Variants in CACNA1E observed in about 807,000 individuals in gnomAD.
The protein encoded by CACNA1E is calcium voltage-gated channel subunit alpha1 E, also known as voltage-dependent R-type calcium channel subunit alpha-1E.
A neutral mutation model predicts 259.2 loss-of-function variants in CACNA1E; 40 were observed. The ratio of observed to expected loss-of-function variants is 0.15; its 90% CI spans 0.12 to 0.20. The LOEUF (loss-of-function observed/expected upper bound fraction) is 0.20, where lower values mean the gene tolerates loss of function less well. CACNA1E is among the 10% of genes least tolerant of loss of function. The probability of loss-of-function intolerance (pLI) is 1.00; values close to 1 mark genes in which losing one functional copy is unlikely to be tolerated. For missense variants in CACNA1E, 1,874 were observed against 3,040.1 expected (o/e 0.62, Z 9.02); for synonymous variants, 1,104 against 1,138.5 (o/e 0.97, Z 0.61).
Position 181,590,416 on chromosome 1 carries a change from A to ATATATATATATATATAT in CACNA1E, c.951+9640_951+9641insTATATATATATATATAT, listed in dbSNP as rs1419171903. 9.8e-4 allele frequency among the ~76,000 whole-genome samples: 113 copies of ATATATATATATATATAT among 115,874 alleles called. 1 individual carries two copies. The highest frequency in any genetic ancestry group is 4.1e-3 in the African/African-American group (110 of 26,978). The allele number at this position is 115,874 out of a possible 152,430, so 76.0% of individuals were successfully genotyped here. A position where few individuals can be genotyped will look rare whatever the true frequency, so the allele number is the denominator to read the frequency against. ...GAGTCAATTACAAAAAAAAAAAAAAAATATATATATATATATATATTGTAT... is the reference window on the plus strand; with the variant it reads ...GAGTCAATTACAAAAAAAAAAAAAAATATATATATATATATATATATATATATATATATATATTGTAT... On this transcript the variant is annotated intron_variant, in intron 6 of 47. Coordinates refer to ENST00000367573, the MANE Select transcript of CACNA1E (RefSeq NM_001205293.3).
intron 27 of CACNA1E, among the ~76,000 whole-genome samples, chr1:181,754,812 T>C (rs917380776): frequency 2.6e-5 from 4 of 152,212 alleles, no homozygotes; most frequent in Non-Finnish European, 5.9e-5. Flanking sequence ...AATCAGTATA[T>C]AAATCGAATC....
rs777413804 is a variant in CACNA1E, at chr1:181,772,164, A to G, written c.5072A>G (p.Asn1691Ser). ...ACCGCACCATCAGGGCAGAACGAGA[A>G]CGAACGCTGCGGCACCGATCTGGCC... Reference protein sequence around the residue: ...DTTAPSGQNENERCGTDLAYV... With the variant: ...DTTAPSGQNESERCGTDLAYV... The change falls in exon 37 of 48, where the codon AAC (asparagine) becomes AGC (serine). Residue 1691 changes from asparagine (N) to serine (S), a missense_variant. Around this residue, in one of 14 missense-constraint regions of CACNA1E, gnomAD observed 147 missense variants for 337.1 expected, o/e 0.44. Transcript: ENST00000367573. 7.4e-6 allele frequency: 12 copies of G among 1,613,924 alleles called. No homozygotes were observed. Among genetic ancestry groups the G allele is most frequent in the Non-Finnish European group, 1.0e-5 (12 of 1,179,850 alleles).
At position 181,717,284 on chromosome 1, in the gene CACNA1E, T is replaced by A. The variant is rs1164351135; in HGVS notation, c.1507T>A (p.Trp503Arg). The A allele has an allele frequency of 1.2e-6, 2 of 1,613,576 alleles. No homozygotes were observed. ...CATTGTCCATCACAACCAGCCCCAG[T>A]GGCTCACCCACCTCCTCTGTAAGTA... Reference protein sequence around the residue: ...VAIVHHNQPQWLTHLLYYAEF... With the variant: ...VAIVHHNQPQRLTHLLYYAEF... The change falls in exon 11 of 48, where the codon TGG (tryptophan) becomes AGG (arginine). Residue 503 changes from tryptophan (W) to arginine (R), a missense_variant. Coordinates refer to ENST00000367573, the MANE Select transcript of CACNA1E (RefSeq NM_001205293.3).
At chr1:181,360,581 G>T (rs1653792683) in intron 1 of CACNA1E, among the ~76,000 whole-genome samples, 1 of 152,132 alleles carries the variant, frequency 6.6e-6, no homozygotes, top group Non-Finnish European at 1.5e-5. Context: ...GGGGAGAATT[G>T]GGAGTGACTA....
At position 181,558,116 on chromosome 1, in the gene CACNA1E, G is replaced by T. The variant is rs1473973572; in HGVS notation, c.513-19650G>T. Among the ~76,000 whole-genome samples the T allele has an allele frequency of 2.0e-5, 3 of 152,234 alleles. No individual in the cohort carries two copies. In the East Asian group the frequency reaches 5.8e-4, roughly 29 times the overall value. On this transcript the variant is annotated intron_variant, in intron 3 of 47. Transcript: ENST00000367573. ...ATAATTCCAGAAGCAAGTGACATTTGTCTTGGAACACTTGAAGGGCAGTCT... is the reference window on the plus strand; with the variant it reads ...ATAATTCCAGAAGCAAGTGACATTTTTCTTGGAACACTTGAAGGGCAGTCT...
At chr1:181,343,646 C>G (rs1279243290) in intron 1 of CACNA1E, among the ~76,000 whole-genome samples, 1 of 152,184 alleles carries the variant, frequency 6.6e-6, no homozygotes, top group Non-Finnish European at 1.5e-5. Context: ...AAAAAATGGA[C>G]TAACCCAGAT....
chr1:181,802,141 C>T lies in CACNA1E; in HGVS notation c.*3307C>T, dbSNP rs377520883. 7 of 152,198 alleles carry T rather than the reference C, an allele frequency of 4.6e-5. No individual in the cohort carries two copies. In the East Asian group the frequency reaches 1.3e-3, roughly 29 times the overall value. The allele number at this position is 152,198 out of a possible 1,614,324, so 9.4% of individuals were successfully genotyped here. A position where few individuals can be genotyped will look rare whatever the true frequency, so the allele number is the denominator to read the frequency against. ...CCAGGGTCAACATAGAATTTCCTGCCCCGTGAAGGGCTGGCACCAGCTAGC... is the reference window on the plus strand; with the variant it reads ...CCAGGGTCAACATAGAATTTCCTGCTCCGTGAAGGGCTGGCACCAGCTAGC... On this transcript the variant is annotated 3_prime_UTR_variant, in exon 48 of 48. Transcript: ENST00000367573.
chr1:181,805,485 G>A lies in CACNA1E; in HGVS notation c.*6651G>A, dbSNP rs1013243250. The A allele has an allele frequency of 6.6e-6, 1 of 152,198 alleles. No individual in the cohort carries two copies. Among genetic ancestry groups the A allele is most frequent in the Non-Finnish European group, 1.5e-5 (1 of 68,030 alleles). 9.4% of individuals were successfully genotyped at this position (152,198 alleles called of 1,614,324 possible). On this transcript the variant is annotated 3_prime_UTR_variant, in exon 48 of 48. Coordinates refer to ENST00000367573, the MANE Select transcript of CACNA1E (RefSeq NM_001205293.3). Reference sequence around the variant, plus strand: ...ACAATGTAATATAACTGCCAGTTAAGGTAGACAGTAGTTGTGGTCTTAGTT... The same window carrying A: ...ACAATGTAATATAACTGCCAGTTAAAGTAGACAGTAGTTGTGGTCTTAGTT...
At chr1:181,491,460 G>C (rs1033080197) in intron 1 of CACNA1E, among the ~76,000 whole-genome samples, 5 of 152,182 alleles carry the variant, frequency 3.3e-5, no homozygotes, top group Non-Finnish European at 7.3e-5. Flanking sequence ...TGCTGGTCTT[G>C]GACATCATGC....
At chr1:181,589,105 G>A (rs966255753) in intron 6 of CACNA1E, among the ~76,000 whole-genome samples, 2 of 152,218 alleles carry the variant, frequency 1.3e-5, no homozygotes, top group African/African-American at 4.8e-5. Flanking sequence ...AGATTCCCGG[G>A]CCCTGCCCCA....
At chr1:181,744,705 C>T (rs1656892227) in intron 25 of CACNA1E, among the ~76,000 whole-genome samples, 1 of 152,184 alleles carries the variant, frequency 6.6e-6, no homozygotes, top group Non-Finnish European at 1.5e-5. Context: ...AAAGGGGAGT[C>T]TTCCAAAGGA....
At chr1:181,679,727 T>A (rs1014112267) in intron 7 of CACNA1E, among the ~76,000 whole-genome samples, 7 of 152,146 alleles carry the variant, frequency 4.6e-5, no homozygotes, top group Non-Finnish European at 7.4e-5. Flanking sequence ...CAGGCCAGGC[T>A]GGACAGTGGC....
intron 3 of CACNA1E, among the ~76,000 whole-genome samples, chr1:181,563,153 A>C (rs1438911753): frequency 6.6e-6 from 1 of 152,188 alleles, no homozygotes; most frequent in Non-Finnish European, 1.5e-5. Flanking sequence ...TTGCCTCTTC[A>C]TCAAGCACTG....
At chr1:181,606,337 C>T (rs1202494335) in intron 6 of CACNA1E, among the ~76,000 whole-genome samples, 1 of 152,132 alleles carries the variant, frequency 6.6e-6, no homozygotes, top group African/African-American at 2.4e-5. Context: ...CGGAGTTGCC[C>T]AAGCCAAAAA....
intron 2 of CACNA1E, among the ~76,000 whole-genome samples, chr1:181,475,245 T>C (rs914880515): frequency 3.9e-5 from 6 of 152,222 alleles, no homozygotes. Context: ...GAGAAAGATA[T>C]GTCCTCTACT....
chr1:181,782,597 T>TA (rs1179651271), intron 39 of CACNA1E, among the ~76,000 whole-genome samples: 1 of 152,184 alleles, frequency 6.6e-6, no homozygotes, highest in Non-Finnish European at 1.5e-5. Context: ...AATGGAACAT[T>TA]AGAGACCCTT....
chr1:181,609,542 G>A (rs1397171648), intron 6 of CACNA1E, among the ~76,000 whole-genome samples: 1 of 152,158 alleles, frequency 6.6e-6, no homozygotes, highest in Non-Finnish European at 1.5e-5. Flanking sequence ...GAAAAGAACA[G>A]AGTGAAAAGG....
In CACNA1E at chr1:181,439,985, G is replaced by A. The variant is rs558441532; in HGVS notation, c.434+26405G>A. On this transcript the variant is annotated intron_variant, in intron 2 of 11. Coordinates refer to the CACNA1E transcript ENST00000524607. ...AAGTGGTAAACAGAGCGTGGTATGTGGAGTACAATCCTTTCGGCAATAATA... is the reference window on the plus strand; with the variant it reads ...AAGTGGTAAACAGAGCGTGGTATGTAGAGTACAATCCTTTCGGCAATAATA... Among the ~76,000 whole-genome samples, 99 of 152,266 alleles carry A rather than the reference G, an allele frequency of 6.5e-4. 1 individual carries two copies. In the South Asian group the frequency reaches 0.019, roughly 30 times the overall value.
chr1:181,364,396 G>A (rs1004151160), intron 1 of CACNA1E, among the ~76,000 whole-genome samples: 1 of 152,090 alleles, frequency 6.6e-6, no homozygotes, highest in Non-Finnish European at 1.5e-5. Context: ...TTTCCTCACC[G>A]ATTCATCATG....
Sources: allele counts gnomAD v4.1 joint callset (sites outside exome capture counted in the v4.1 genomes callset), GRCh38; gene constraint gnomAD v4.1.1; regional missense constraint gnomAD v4.1.1; transcripts MANE v1.5; gene names NCBI Gene and HGNC (gene_info 2026-07-23, HGNC 2026-07-21).